PFKFB3: variants seen among roughly 807,000 people sequenced by gnomAD.
PFKFB3 encodes 6-phosphofructo-2-kinase/fructose-2,6-biphosphatase 3.
A neutral mutation model predicts 68.0 loss-of-function variants in PFKFB3; 33 were observed. The ratio of observed to expected loss-of-function variants is 0.49; its 90% CI spans 0.37 to 0.65. The LOEUF is 0.65. Among genes scored for constraint, PFKFB3 ranks in the 30% least tolerant of loss-of-function variants. The pLI is 0.00. For synonymous variants in PFKFB3, 315 were observed against 288.2 expected, an observed-to-expected ratio of 1.09 and a Z score of -0.94; for missense variants, 586 against 712.2, an observed-to-expected ratio of 0.82 and a Z score of 2.02.
the PFKFB3 span, among the ~76,000 whole-genome samples, chr10:6,288,839 A>G: frequency 2.6e-5 from 4 of 151,944 alleles, no homozygotes; most frequent in African/African-American, 9.7e-5. Context: ...AAGTGTTCCT[A>G]TTTCTCCACA....
At chr10:6,157,268 C>G (rs1841833027) in intron 1 of PFKFB3, among the ~76,000 whole-genome samples, 1 of 150,458 alleles carries the variant, frequency 6.6e-6, no homozygotes, top group Non-Finnish European at 1.5e-5. Context: ...GCTCTGTTGC[C>G]CAGGCTGGAG....
chr10:6,222,995 C>T lies in PFKFB3; in HGVS notation c.1213+11C>T. 1 of 1,610,306 alleles carries T rather than the reference C, an allele frequency of 6.2e-7. No homozygotes were observed. The highest frequency in any genetic ancestry group is 8.5e-7 in the Non-Finnish European group (1 of 1,177,756). ...TGGATAAGAGTGCAGGTACCTCGGG[C>T]AGGTCGTGGCCCCGGGATGGAGGGA... On this transcript the variant is annotated intron_variant, in intron 11 of 14. Coordinates refer to ENST00000379775, the MANE Select transcript of PFKFB3 (RefSeq NM_004566.4).
At chr10:6,224,599 G>A (rs1357406072) in intron 13 of PFKFB3, 1 of 410,754 alleles carries the variant, frequency 2.4e-6, no homozygotes, top group Non-Finnish European at 4.8e-6. Context: ...TCCCGCCTCA[G>A]CCTCCCGCGT....
At chr10:6,196,081 G>A (rs926272617) in intron 1 of PFKFB3, among the ~76,000 whole-genome samples, 1 of 151,408 alleles carries the variant, frequency 6.6e-6, no homozygotes, top group South Asian at 2.1e-4. Context: ...TGAGAGCCAA[G>A]GCACATGAGA....
chr10:6,222,701 T>C, intron 10 of PFKFB3, 154 bp from the exon 11 acceptor site: 4 of 724,850 alleles, frequency 5.5e-6, no homozygotes, highest in Non-Finnish European at 8.5e-6. Flanking sequence ...GGCTGAGCAA[T>C]AGTCCACGTT....
chr10:6,264,854 A>G, the PFKFB3 span, among the ~76,000 whole-genome samples: 51 of 152,150 alleles, frequency 3.4e-4, no homozygotes, highest in Non-Finnish European at 6.0e-4. Flanking sequence ...GTAAGAACAA[A>G]GAGAGTCTCT....
chr10:6,159,866 C>G (rs544649374), intron 1 of PFKFB3, among the ~76,000 whole-genome samples: 1 of 151,806 alleles, frequency 6.6e-6, no homozygotes, highest in Non-Finnish European at 1.5e-5. Context: ...TCAAGCAATC[C>G]CCCCACCTCA....
intron 1 of PFKFB3, among the ~76,000 whole-genome samples, chr10:6,204,839 TG>T (rs1266694699): frequency 1.3e-5 from 2 of 152,268 alleles, no homozygotes; most frequent in Non-Finnish European, 2.9e-5. Context: ...TAAACTGCAT[TG>T]GAGGCTAGTC....
the PFKFB3 span, among the ~76,000 whole-genome samples, chr10:6,266,725 G>A: frequency 2.0e-5 from 3 of 152,168 alleles, no homozygotes; most frequent in African/African-American, 7.2e-5. Flanking sequence ...CACATATTTT[G>A]CAGAGTCCAA....
chr10:6,317,298 TCTCA>T, the PFKFB3 span, among the ~76,000 whole-genome samples: 2 of 152,192 alleles, frequency 1.3e-5, no homozygotes, highest in Non-Finnish European at 2.9e-5. Flanking sequence ...AGGCATTCTC[TCTCA>T]ATTATCCTTC....
At chr10:6,161,325 G>A (rs1435027673) in intron 1 of PFKFB3, among the ~76,000 whole-genome samples, 1 of 152,026 alleles carries the variant, frequency 6.6e-6, no homozygotes, top group African/African-American at 2.4e-5. Context: ...CAGTGATAGG[G>A]TGACTCTTTA....
chr10:6,177,239 C>G (rs1016005916), intron 1 of PFKFB3, among the ~76,000 whole-genome samples: 8 of 152,306 alleles, frequency 5.3e-5, no homozygotes, highest in Admixed American at 3.3e-4. Context: ...AAATTCAGAA[C>G]CTGCCTGCTG....
the PFKFB3 span, among the ~76,000 whole-genome samples, chr10:6,272,036 G>A: frequency 2.0e-5 from 3 of 152,232 alleles, no homozygotes; most frequent in Middle Eastern, 3.2e-3. Flanking sequence ...GGGATAGACA[G>A]TTGCCCCTGC....
At chr10:6,256,863 C>G (rs1227210557), downstream of PFKFB3, among the ~76,000 whole-genome samples, 1 of 152,166 alleles carries the variant, frequency 6.6e-6, no homozygotes, top group Non-Finnish European at 1.5e-5. Context: ...GGAGACTCCA[C>G]TCTGTTGCTT....
Position 6,216,252 on chromosome 10 carries a change from G to A in PFKFB3, c.366+61G>A, listed in dbSNP as rs954418685. 9.5e-5 allele frequency: 140 copies of A among 1,469,252 alleles called. No individual in the cohort carries two copies. In the African/African-American group the frequency reaches 1.0e-3, roughly 11 times the overall value. 91.0% of individuals were successfully genotyped at this position (1,469,252 alleles called of 1,614,324 possible). A position where few individuals can be genotyped will look rare whatever the true frequency, so the allele number is the denominator to read the frequency against. On this transcript the variant is annotated intron_variant, in intron 4 of 14. Transcript: ENST00000379775. ...TCCCACCCATGAGGGTGTCCTCACC[G>A]GCCTGGGGTGTACCGAGACCTGTGC...
chr10:6,247,763 A>AT lies in PFKFB3; in HGVS notation c.1516-6411dup, dbSNP rs540832978. ...GACAGGGGTGTCTCATATGAACTTG[A>AT]TTTTCCTACTAGGGAATGAATAAAT... On this transcript the variant is annotated intron_variant, in intron 14 of 14. Transcript: ENST00000640683. Among the ~76,000 whole-genome samples the AT allele has an allele frequency of 3.7e-3, 558 of 152,296 alleles. 1 individual carries two copies. The highest frequency in any genetic ancestry group is 0.012 in the African/African-American group (490 of 41,556).
intron 1 of PFKFB3, among the ~76,000 whole-genome samples, chr10:6,157,416 C>A (rs536726364): frequency 6.6e-6 from 1 of 151,494 alleles, no homozygotes; most frequent in African/African-American, 2.4e-5. Flanking sequence ...TTAGTAGAGG[C>A]GGGGTTTCAC....
At chr10:6,179,197 C>T (rs1322694632) in intron 1 of PFKFB3, among the ~76,000 whole-genome samples, 1 of 152,162 alleles carries the variant, frequency 6.6e-6, no homozygotes, top group African/African-American at 2.4e-5. Flanking sequence ...CAGAGAAATT[C>T]AGTTATTGGT....
chr10:6,204,021 G>T (rs994913858), intron 1 of PFKFB3, among the ~76,000 whole-genome samples: 5 of 152,220 alleles, frequency 3.3e-5, no homozygotes, highest in African/African-American at 9.6e-5. Context: ...GGGAGGGTCG[G>T]TGGGTTGGTG....
Sources: gnomAD v4.1 joint callset for allele counts (sites outside exome capture counted in the v4.1 genomes callset) on GRCh38, gnomAD v4.1.1 for gene constraint, MANE v1.5 for transcripts, NCBI Gene and HGNC (gene_info 2026-07-23, HGNC 2026-07-21) for gene names.